The following HNRNPL variants were observed in gnomAD, a reference collection of about 807,000 sequenced individuals.
The protein encoded by HNRNPL is heterogeneous nuclear ribonucleoprotein L.
A neutral mutation model predicts 64.0 loss-of-function variants in HNRNPL; 12 were observed. The observed-to-expected ratio is 0.19, with a 90% CI of 0.12 to 0.30. The LOEUF is 0.30. Among genes scored for constraint, HNRNPL ranks in the 10% least tolerant of loss-of-function variants. The probability of loss-of-function intolerance (pLI) is 1.00; values close to 1 mark genes in which losing one functional copy is unlikely to be tolerated. For synonymous variants in HNRNPL, 385 were observed against 313.0 expected (o/e 1.23, Z -2.43); for missense variants, 484 against 797.4 (o/e 0.61, Z 4.73).
chr19:38,851,314 T>A (rs889078544), upstream of HNRNPL, among the ~76,000 whole-genome samples: 1 of 152,098 alleles, frequency 6.6e-6, no homozygotes, highest in Non-Finnish European at 1.5e-5. Flanking sequence ...TGGCGGAGCC[T>A]GGGGGGTGGA....
intron 6 of HNRNPL, chr19:38,841,553 G>T: frequency 1.4e-6 from 1 of 726,196 alleles, no homozygotes; most frequent in Non-Finnish European, 2.1e-6. Flanking sequence ...ACTACTTACA[G>T]CAGAAGTACA....
chr19:38,840,222 A>AGGG lies in HNRNPL; in HGVS notation c.1104_1106dup (p.Pro373dup). 1 of 55,182 alleles carries AGGG rather than the reference A, an allele frequency of 1.8e-5. No individual in the cohort carries two copies. The highest frequency in any genetic ancestry group is 3.2e-4 in the Admixed American group (1 of 3,094). 3.4% of individuals were successfully genotyped at this position (55,182 alleles called of 1,614,324 possible). ...GAGGGCCATACTCGGGTGGTGGGGG[A>AGGG]GGGGGTGGGGGGTGCCCATACTGGG... On this transcript the variant is annotated inframe_insertion, in exon 8 of 13. Transcript: ENST00000221419.
Position 38,847,396 on chromosome 19 carries a change from T to A in HNRNPL, c.306A>T (p.Pro102=). Residue 102 remains proline, a synonymous_variant, in exon 2 of 13, where the codon CCA becomes CCT. Coordinates refer to ENST00000221419, the MANE Select transcript of HNRNPL (RefSeq NM_001533.3). ...CAATCAGGCCCCTGATGTGGACAAC[T>A]GGGGAGGCAGGGGTTTTGTGCGGGT... is the stretch of plus-strand genomic sequence containing the variant. ...YDDPHKTPAS[P]VVHIRGLIDG... The A allele has an allele frequency of 1.3e-6, 2 of 1,558,586 alleles. No homozygotes were observed. The highest frequency in any genetic ancestry group is 1.7e-6 in the Non-Finnish European group (2 of 1,152,874).
At position 38,840,173 on chromosome 19, in the gene HNRNPL, C is replaced by T; in HGVS notation, c.1156G>A (p.Val386Ile). 1 of 1,607,322 alleles carries T rather than the reference C, an allele frequency of 6.2e-7. No homozygotes were observed. The highest frequency in any genetic ancestry group is 8.5e-7 in the Non-Finnish European group (1 of 1,175,316). Residue 386 changes from valine (V) to isoleucine (I), a missense_variant, in exon 8 of 13, where the codon GTC becomes ATC. By Grantham distance (29) the Val-to-Ile change is conservative. This residue lies in a region of HNRNPL where 25 missense variants were observed against 67.0 expected (regional missense o/e 0.37). Coordinates refer to ENST00000221419, the MANE Select transcript of HNRNPL (RefSeq NM_001533.3). The part of the protein sequence containing the change: ...GPHADSPVLM[V>I]YGLDQSKMNC... ...ATCTTAGATTGATCCAAGCCATAGA[C>T]CATGAGCACAGGGCTGTCGGCGTGA...
chr19:38,845,491 T>C (rs1295477132), intron 4 of HNRNPL, 159 bp downstream of exon 4: 8 of 651,522 alleles, frequency 1.2e-5, no homozygotes, highest in Non-Finnish European at 1.1e-5. Flanking sequence ...CCTGGTCCTT[T>C]AACTGCCTCC....
chr19:38,848,936 G>C (rs911315684), intron 1 of HNRNPL, among the ~76,000 whole-genome samples: 1 of 152,182 alleles, frequency 6.6e-6, no homozygotes, highest in Non-Finnish European at 1.5e-5. Flanking sequence ...CAAGATTTTG[G>C]AAAGAGTGGG....
chr19:38,846,141 G>T, intron 2 of HNRNPL, 51 bp from the exon 3 acceptor site: 1 of 1,352,996 alleles, frequency 7.4e-7, no homozygotes, highest in Non-Finnish European at 1.1e-6. Flanking sequence ...GTAGACAGGA[G>T]GAGGGTATCA....
rs1170950637 is a variant in HNRNPL at position 38,838,899 on chromosome 19, A to G, written c.1350T>C (p.Asn450=). 7.4e-6 allele frequency: 12 copies of G among 1,614,086 alleles called. No homozygotes were observed. The highest frequency in any genetic ancestry group is 9.3e-6 in the Non-Finnish European group (11 of 1,180,010). ...TCCCGAGCCTGAGCACCTACCAGAC[A>G]TTCAGCTTCTGCCCAAACATGAAGT... ...NNNFMFGQKL[N]VCVSKQPAIM... Residue 450 remains asparagine, a synonymous_variant, in exon 9 of 13, where the codon AAT becomes AAC. Transcript: ENST00000221419.
intron 10 of HNRNPL, 82 bp from the exon 11 acceptor site, chr19:38,837,733 ACTCAGTACTT>A: frequency 8.3e-7 from 1 of 1,207,234 alleles, no homozygotes; most frequent in African/African-American, 1.5e-5. Context: ...GCCCTGCATG[ACTCAGTACTT>A]GAAGTTTTCA....
chr19:38,838,295 G>GA (rs1971995845), intron 10 of HNRNPL, 102 bp downstream of exon 10: 1 of 930,700 alleles, frequency 1.1e-6, no homozygotes, highest in African/African-American at 1.6e-5. Flanking sequence ...GGCCAGGCAG[G>GA]ACAGGAGTTC....
intron 8 of HNRNPL, 34 bp from the exon 9 acceptor site, chr19:38,839,049 C>CCA (rs748513036): frequency 6.2e-7 from 1 of 1,610,492 alleles, no homozygotes; most frequent in South Asian, 1.1e-5. Flanking sequence ...GCACCTCTGT[C>CCA]CAGCTGCCAG....
intron 9 of HNRNPL, 80 bp from the exon 10 acceptor site, chr19:38,838,678 A>T (rs1600047661): frequency 6.9e-7 from 1 of 1,448,644 alleles, no homozygotes; most frequent in East Asian, 2.3e-5. Flanking sequence ...CCAGAGGCTT[A>T]GCTTGCCCTG....
At chr19:38,849,580 T>G in intron 1 of HNRNPL, 120 bp downstream of exon 1, 1 of 1,232,344 alleles carries the variant, frequency 8.1e-7, no homozygotes, top group Non-Finnish European at 1.0e-6. Flanking sequence ...CCCCACACCG[T>G]CAACGACGCG....
chr19:38,852,064 C>T (rs1169588047), upstream of HNRNPL, among the ~76,000 whole-genome samples: 39 of 149,512 alleles, frequency 2.6e-4, no homozygotes, highest in South Asian at 1.7e-3. Flanking sequence ...CCCGCCCCCG[C>T]GGCCGGCCCG....
rs1008873464 is a variant in HNRNPL, at chr19:38,840,434, G to A, written c.952+54C>T. The stretch of plus-strand genomic sequence containing the variant: ...GGTGAGAATTTGCACGGCGGGCGGC[G>A]GGCAGGGGCACATGAGCCACGGGAG... On this transcript the variant is annotated intron_variant, in intron 7 of 12. Transcript: ENST00000221419. 3.6e-5 allele frequency: 56 copies of A among 1,556,220 alleles called. 1 individual carries two copies. Among genetic ancestry groups the A allele is most frequent in the South Asian group, 3.3e-4 (28 of 85,896 alleles).
intron 12 of HNRNPL, 175 bp from the exon 13 acceptor site, chr19:38,836,955 C>T (rs1378649608): frequency 1.8e-6 from 1 of 569,790 alleles, no homozygotes; most frequent in Non-Finnish European, 3.2e-6. Flanking sequence ...CACGGCGTTT[C>T]TCCTTCTCTT....
intron 6 of HNRNPL, chr19:38,842,425 T>A (rs1385843709): frequency 6.6e-6 from 1 of 152,168 alleles, no homozygotes; most frequent in African/African-American, 2.4e-5. Flanking sequence ...TTTGACCTTT[T>A]TTTTAATGTT....
chr19:38,852,070 G>A (rs536218639), upstream of HNRNPL, among the ~76,000 whole-genome samples: 8 of 149,474 alleles, frequency 5.4e-5, no homozygotes, highest in African/African-American at 1.7e-4. Context: ...CCCGCGGCCG[G>A]CCCGGACGCC....
chr19:38,837,145 T>C, intron 12 of HNRNPL: 1 of 575,632 alleles, frequency 1.7e-6, no homozygotes, highest in Middle Eastern at 4.6e-4. Context: ...GCCACCTCCC[T>C]GGAGGACAAG....
Sources: gnomAD v4.1 joint callset for allele counts (sites outside exome capture counted in the v4.1 genomes callset) on GRCh38, gnomAD v4.1.1 for gene constraint, gnomAD v4.1.1 regional missense constraint, MANE v1.5 for transcripts, NCBI Gene and HGNC (gene_info 2026-07-23, HGNC 2026-07-21) for gene names.